B3GAT2: variants seen among roughly 807,000 people sequenced by gnomAD.
The protein encoded by B3GAT2 is beta-1,3-glucuronyltransferase 2.
B3GAT2 carries 26 observed loss-of-function variants against 27.8 expected under a neutral mutation model. That is an observed-to-expected ratio of 0.93 (90% CI 0.68 to 1.30). The LOEUF (loss-of-function observed/expected upper bound fraction) is 1.30, where lower values mean the gene tolerates loss of function less well. Ranked by LOEUF, B3GAT2 falls within the 50% of genes most tolerant of loss-of-function variation. The pLI is 0.00. For synonymous variants in B3GAT2, 218 were observed against 195.1 expected (o/e 1.12, Z -0.98); for missense variants, 458 against 459.0 (o/e 1.00, Z 0.02).
chr6:70,923,843 G>C (rs1345470190), intron 1 of B3GAT2, among the ~76,000 whole-genome samples: 1 of 152,054 alleles, frequency 6.6e-6, no homozygotes, highest in African/African-American at 2.4e-5. Context: ...ATATGTTTTG[G>C]TTTCCATTTT....
chr6:70,938,626 C>A (rs1413709610), intron 1 of B3GAT2, among the ~76,000 whole-genome samples: 1 of 151,610 alleles, frequency 6.6e-6, no homozygotes, highest in Non-Finnish European at 1.5e-5. Flanking sequence ...TGATCTTTGA[C>A]AAACCTGAGA....
chr6:70,905,182 C>T (rs1772578060), intron 1 of B3GAT2, among the ~76,000 whole-genome samples: 1 of 152,086 alleles, frequency 6.6e-6, no homozygotes, highest in African/African-American at 2.4e-5. Context: ...AGAATAGAAC[C>T]ACAGCTAGGA....
intron 1 of B3GAT2, among the ~76,000 whole-genome samples, chr6:70,912,792 A>G (rs555561241): frequency 7.2e-5 from 11 of 152,116 alleles, no homozygotes; most frequent in Admixed American, 1.3e-4. Context: ...TTGTGGATCC[A>G]TCTGGTCCAG....
intron 2 of B3GAT2, among the ~76,000 whole-genome samples, chr6:70,891,029 G>A (rs756325518): frequency 3.9e-5 from 6 of 152,232 alleles, no homozygotes; most frequent in Non-Finnish European, 5.9e-5. Flanking sequence ...CGTTCTTACT[G>A]ACACCTCCCT....
chr6:70,889,213 T>C (rs986684677), intron 2 of B3GAT2, among the ~76,000 whole-genome samples: 3 of 152,146 alleles, frequency 2.0e-5, no homozygotes, highest in African/African-American at 4.8e-5. Context: ...CCATCTAAGG[T>C]CTTGATCTCC....
intron 2 of B3GAT2, among the ~76,000 whole-genome samples, chr6:70,889,815 C>T (rs113659827): frequency 7.0e-4 from 105 of 151,054 alleles, no homozygotes; most frequent in African/African-American, 2.5e-3. Context: ...AACAGTCTCC[C>T]TGTGTCTCCC....
At chr6:70,905,901 G>GTGTA (rs892019154) in intron 1 of B3GAT2, among the ~76,000 whole-genome samples, 1 of 151,708 alleles carries the variant, frequency 6.6e-6, no homozygotes, top group South Asian at 2.1e-4. Flanking sequence ...GTGTGTGTGT[G>GTGTA]TGTATGTGTG....
chr6:70,868,391 C>T (rs1220510859), intron 2 of B3GAT2, among the ~76,000 whole-genome samples: 1 of 152,122 alleles, frequency 6.6e-6, no homozygotes, highest in Non-Finnish European at 1.5e-5. Context: ...TTCCTTCAGC[C>T]ACAGTTAACA....
intron 1 of B3GAT2, among the ~76,000 whole-genome samples, chr6:70,938,077 A>G (rs371755806): frequency 2.0e-5 from 3 of 150,378 alleles, no homozygotes; most frequent in Non-Finnish European, 3.0e-5. Flanking sequence ...AAATCAATGT[A>G]CAAAAATCAC....
chr6:70,921,074 C>T (rs781231003), intron 1 of B3GAT2, among the ~76,000 whole-genome samples: 2 of 152,098 alleles, frequency 1.3e-5, no homozygotes, highest in African/African-American at 4.8e-5. Context: ...TTGATGTTGA[C>T]GTTGGAGAAT....
At chr6:70,894,351 A>G (rs1156330216) in intron 1 of B3GAT2, 79 bp from the exon 2 acceptor site, 18 of 1,420,564 alleles carry the variant, frequency 1.3e-5, no homozygotes, top group Non-Finnish European at 1.6e-5. Flanking sequence ...TATGTAGAAG[A>G]AGTAGGGCTG....
chr6:70,869,084 A>G (rs1464859847), intron 2 of B3GAT2, among the ~76,000 whole-genome samples: 1 of 152,212 alleles, frequency 6.6e-6, no homozygotes, highest in Non-Finnish European at 1.5e-5. Context: ...CTTTGGCAAA[A>G]ATCAACTGAC....
At chr6:70,910,267 T>A (rs1772669333) in intron 1 of B3GAT2, among the ~76,000 whole-genome samples, 1 of 152,106 alleles carries the variant, frequency 6.6e-6, no homozygotes, top group African/African-American at 2.4e-5. Context: ...GGTGTACAGA[T>A]TTTCATCACC....
chr6:70,895,180 G>A (rs1165371733), intron 1 of B3GAT2, among the ~76,000 whole-genome samples: 1 of 152,158 alleles, frequency 6.6e-6, no homozygotes, highest in Non-Finnish European at 1.5e-5. Context: ...AGCTGGGTGT[G>A]CCTTGGACGA....
intron 1 of B3GAT2, among the ~76,000 whole-genome samples, chr6:70,945,724 C>A (rs577890247): frequency 3.0e-4 from 44 of 147,646 alleles, no homozygotes; most frequent in African/African-American, 9.8e-4. Flanking sequence ...ACAGAGAATG[C>A]CACAAAGATA....
intron 2 of B3GAT2, among the ~76,000 whole-genome samples, chr6:70,887,219 G>T (rs1479488104): frequency 6.6e-6 from 1 of 152,188 alleles, no homozygotes; most frequent in African/African-American, 2.4e-5. Context: ...ATGATCATCT[G>T]ATCCGGGCTG....
At chr6:70,951,536 A>G (rs1765578675) in intron 1 of B3GAT2, among the ~76,000 whole-genome samples, 1 of 152,182 alleles carries the variant, frequency 6.6e-6, no homozygotes, top group Non-Finnish European at 1.5e-5. Flanking sequence ...TTGAGAGAGG[A>G]AGAATGATGG....
At chr6:70,942,684 CCT>C (rs1263203426) in intron 1 of B3GAT2, among the ~76,000 whole-genome samples, 1 of 152,094 alleles carries the variant, frequency 6.6e-6, no homozygotes, top group Non-Finnish European at 1.5e-5. Context: ...TGAAATACTC[CCT>C]GACTTAATTA....
In B3GAT2 at chr6:70,859,426, CG is replaced by C; in HGVS notation, c.*2236del. ...AAATGTCCTTTAGTAGGTATGAAGA[CG>C]TGATCTGCTTCTTCAGACACTTATG... is the stretch of plus-strand genomic sequence containing the variant. On this transcript the variant is annotated 3_prime_UTR_variant, in exon 4 of 4. Transcript: ENST00000230053. 1.3e-6 allele frequency: 2 copies of C among 1,515,904 alleles called. No individual in the cohort carries two copies. The allele number at this position is 1,515,904 out of a possible 1,614,324, so 93.9% of individuals were successfully genotyped here.
Sources: allele counts gnomAD v4.1 joint callset (sites outside exome capture counted in the v4.1 genomes callset), GRCh38; gene constraint gnomAD v4.1.1; transcripts MANE v1.5; gene names NCBI Gene and HGNC (gene_info 2026-07-23, HGNC 2026-07-21).